Variants in LZTS1 observed in about 807,000 individuals in gnomAD.
The protein encoded by LZTS1 is leucine zipper putative tumor suppressor 1.
In LZTS1, 31 loss-of-function variants were observed where a neutral mutation model predicts 45.8. The observed-to-expected ratio is 0.68, with a 90% CI of 0.51 to 0.91. LZTS1 has a LOEUF of 0.91. LZTS1 is among the 40% of genes least tolerant of loss of function. LZTS1 has a pLI of 0.00. For missense variants in LZTS1, 821 were observed against 788.9 expected, an observed-to-expected ratio of 1.04 and a Z score of -0.49; for synonymous variants, 359 against 357.3, an observed-to-expected ratio of 1.00 and a Z score of -0.05.
At chr8:20,258,617 AAT>A (rs1800159701) in intron 1 of LZTS1, among the ~76,000 whole-genome samples, 1 of 152,212 alleles carries the variant, frequency 6.6e-6, no homozygotes, top group South Asian at 2.1e-4. Flanking sequence ...TACTCGAGGA[AAT>A]ACAGTGAAGC....
intron 1 of LZTS1, among the ~76,000 whole-genome samples, chr8:20,272,246 C>A (rs184346247): frequency 1.0e-3 from 155 of 152,296 alleles, no homozygotes; most frequent in Admixed American, 2.1e-3. Context: ...GGGCCTGCTT[C>A]TTGACTGATC....
At chr8:20,256,522 C>A (rs112694404) in intron 1 of LZTS1, among the ~76,000 whole-genome samples, 4 of 152,174 alleles carry the variant, frequency 2.6e-5, no homozygotes, top group African/African-American at 9.6e-5. Flanking sequence ...TGGTGGCTCA[C>A]GTCTGTAATC....
chr8:20,293,436 C>T (rs1453597940), intron 1 of LZTS1, among the ~76,000 whole-genome samples: 1 of 152,222 alleles, frequency 6.6e-6, no homozygotes, highest in African/African-American at 2.4e-5. Flanking sequence ...GCCCTTGGGG[C>T]TCTTCTCCAG....
intron 1 of LZTS1, among the ~76,000 whole-genome samples, chr8:20,284,630 C>T (rs1373500655): frequency 6.6e-6 from 1 of 152,012 alleles, no homozygotes; most frequent in East Asian, 1.9e-4. Flanking sequence ...GACCTGACCT[C>T]GGGGTACTAA....
At chr8:20,262,136 C>A (rs948751437) in intron 1 of LZTS1, among the ~76,000 whole-genome samples, 2 of 152,264 alleles carry the variant, frequency 1.3e-5, no homozygotes, top group Non-Finnish European at 2.9e-5. Flanking sequence ...TGCAGGCCCA[C>A]AACGATGCAA....
chr8:20,269,816 C>T (rs1379194537), intron 1 of LZTS1, among the ~76,000 whole-genome samples: 1 of 152,166 alleles, frequency 6.6e-6, no homozygotes, highest in Non-Finnish European at 1.5e-5. Flanking sequence ...TTCTGATCTT[C>T]CTTCACTGTC....
rs749755729 is a variant in LZTS1, at chr8:20,253,231, C to T, written c.700G>A (p.Asp234Asn). The part of the protein sequence containing the change: ...MMSLKALSFS[D>N]GGSKLGHSNK... ...GAGTGGCCCAGCTTGCTACCTCCGT[C>T]GGAGAAGGACAGAGCCTTCAGGCTC... The change falls in exon 3 of 4, where the codon GAC (aspartate) becomes AAC (asparagine). Residue 234 changes from aspartate to asparagine, a missense_variant. Physicochemically the swap from Asp to Asn is conservative, Grantham distance 23 (BLOSUM62 1). Coordinates refer to ENST00000381569, the MANE Select transcript of LZTS1 (RefSeq NM_021020.5). 7 of 1,613,978 alleles carry T rather than the reference C, an allele frequency of 4.3e-6. No individual in the cohort carries two copies. The highest frequency in any genetic ancestry group is 1.3e-5 in the African/African-American group (1 of 75,082).
chr8:20,249,525 T>G lies in LZTS1; in HGVS notation c.*197A>C. ...AGAGGAGTCAGGGCCTGACGTCTGG[T>G]GGGCTGCAGGGCTGGTGAGCACTGG... On this transcript the variant is annotated 3_prime_UTR_variant, in exon 4 of 4. Transcript: ENST00000381569. The G allele has an allele frequency of 1.5e-6, 1 of 648,590 alleles. No individual in the cohort carries two copies. Among genetic ancestry groups the G allele is most frequent in the Non-Finnish European group, 2.6e-6 (1 of 385,656 alleles). 40.2% of individuals were successfully genotyped at this position (648,590 alleles called of 1,614,324 possible).
intron 1 of LZTS1, among the ~76,000 whole-genome samples, chr8:20,298,034 A>G (rs7842936): frequency 0.66 from 100,043 of 151,834 alleles, 33,191 homozygotes; most frequent in Non-Finnish European, 0.68. Flanking sequence ...AAAATCTTGC[A>G]TAAACTCTTT....
chr8:20,290,529 ATCT>A (rs1800882705), intron 1 of LZTS1: 1 of 152,240 alleles, frequency 6.6e-6, no homozygotes, highest in Non-Finnish European at 1.5e-5. Flanking sequence ...AAACACCAGC[ATCT>A]TCTTCTCAGC....
intron 1 of LZTS1, among the ~76,000 whole-genome samples, chr8:20,280,415 G>C (rs1196717800): frequency 1.3e-5 from 2 of 152,112 alleles, no homozygotes; most frequent in Non-Finnish European, 2.9e-5. Context: ...TCTGTGAAAG[G>C]CCCCCTTACA....
chr8:20,288,337 G>C (rs1800833105), intron 1 of LZTS1, among the ~76,000 whole-genome samples: 1 of 152,206 alleles, frequency 6.6e-6, no homozygotes, highest in African/African-American at 2.4e-5. Context: ...AGGAGAAGCT[G>C]CCTGGAGACA....
intron 1 of LZTS1, among the ~76,000 whole-genome samples, chr8:20,284,607 G>A (rs776276762): frequency 3.9e-5 from 6 of 151,984 alleles, no homozygotes; most frequent in African/African-American, 4.8e-5. Flanking sequence ...TACATTGTCC[G>A]TGGAGACCTG....
intron 1 of LZTS1, among the ~76,000 whole-genome samples, chr8:20,277,561 G>C (rs1197545271): frequency 2.6e-5 from 4 of 152,162 alleles, no homozygotes. Context: ...CCAGTAACAA[G>C]TATATAAGGC....
At chr8:20,279,733 T>TACCAGC (rs200399905) in intron 1 of LZTS1, among the ~76,000 whole-genome samples, 19 of 143,898 alleles carry the variant, frequency 1.3e-4, no homozygotes, top group Middle Eastern at 3.7e-3. Context: ...ATGCCTGTAA[T>TACCAGC]ACCAGCACTT....
intron 1 of LZTS1, among the ~76,000 whole-genome samples, chr8:20,260,857 A>G (rs1209767412): frequency 4.6e-5 from 7 of 152,172 alleles, no homozygotes; most frequent in Non-Finnish European, 1.0e-4. Flanking sequence ...GCCACTCCCC[A>G]GGTCTTGACA....
At chr8:20,254,536 G>A (rs1357577354) in intron 2 of LZTS1, among the ~76,000 whole-genome samples, 1 of 152,180 alleles carries the variant, frequency 6.6e-6, no homozygotes. Context: ...TGGATCCTAC[G>A]TTGACAATCC....
At chr8:20,265,069 G>A (rs554758960) in intron 1 of LZTS1, among the ~76,000 whole-genome samples, 21 of 152,302 alleles carry the variant, frequency 1.4e-4, no homozygotes, top group African/African-American at 5.1e-4. Context: ...GGCAGAGGAG[G>A]CTGCAGCTGC....
At chr8:20,299,207 C>T (rs991167537) in intron 1 of LZTS1, among the ~76,000 whole-genome samples, 2 of 152,190 alleles carry the variant, frequency 1.3e-5, no homozygotes, top group Non-Finnish European at 2.9e-5. Flanking sequence ...AGCCCTGTCT[C>T]CTCAGCTCTC....
Sources: gnomAD v4.1 joint callset for allele counts (sites outside exome capture counted in the v4.1 genomes callset) on GRCh38, gnomAD v4.1.1 for gene constraint, MANE v1.5 for transcripts, NCBI Gene and HGNC (gene_info 2026-07-23, HGNC 2026-07-21) for gene names.